BNC2: variants seen among roughly 807,000 people sequenced by gnomAD.
BNC2 encodes zinc finger protein basonuclin-2.
BNC2 carries 20 observed loss-of-function variants against 76.3 expected under a neutral mutation model. The ratio of observed to expected loss-of-function variants is 0.26; its 90% CI spans 0.18 to 0.38. BNC2 has a LOEUF of 0.38. Ranked by LOEUF, BNC2 falls within the 10% of genes least tolerant of loss-of-function variation. The pLI is 1.00. For missense variants in BNC2, 1,382 were observed against 1,399.8 expected (o/e 0.99, Z 0.20); for synonymous variants, 582 against 514.8 (o/e 1.13, Z -1.77).
In BNC2 at chr9:16,810,149, C is replaced by T. The variant is rs1304905613; in HGVS notation, c.3+60497G>A. 4.6e-5 allele frequency among the ~76,000 whole-genome samples: 7 copies of T among 152,162 alleles called. No individual in the cohort carries two copies. The East Asian group carries it at 1.2e-3, about 25-fold the overall frequency. ...AAGGTAACTTATGGTTAAAAACTTG[C>T]TTTGCTTTATAAAAAGAATATCATT... On this transcript the variant is annotated intron_variant, in intron 1 of 6. Transcript: ENST00000380672.
chr9:16,485,260 A>C (rs1822140236), intron 5 of BNC2, among the ~76,000 whole-genome samples: 1 of 152,214 alleles, frequency 6.6e-6, no homozygotes, highest in African/African-American at 2.4e-5. Context: ...GAATTGGAAA[A>C]AGAAGCCCTT....
intron 3 of BNC2, among the ~76,000 whole-genome samples, chr9:16,726,401 C>T (rs760941692): frequency 6.6e-6 from 1 of 152,024 alleles, no homozygotes; most frequent in Non-Finnish European, 1.5e-5. Context: ...TAGCTAAATG[C>T]TACAAAACCC....
At chr9:16,795,102 C>A (rs1228265699) in intron 1 of BNC2, among the ~76,000 whole-genome samples, 4 of 152,180 alleles carry the variant, frequency 2.6e-5, no homozygotes. Flanking sequence ...AAGATGCAAT[C>A]CTCTCAAGTT....
At chr9:16,512,112 T>C (rs1356000146) in intron 5 of BNC2, among the ~76,000 whole-genome samples, 6 of 152,242 alleles carry the variant, frequency 3.9e-5, no homozygotes, top group Non-Finnish European at 7.3e-5. Flanking sequence ...CAAACATAAT[T>C]TGAAGAAAGC....
chr9:16,536,223 G>C lies in BNC2; in HGVS notation c.669+16307C>G, dbSNP rs955096960. On this transcript the variant is annotated intron_variant, in intron 5 of 6. Coordinates refer to ENST00000380672, the MANE Select transcript of BNC2 (RefSeq NM_017637.6). Reference sequence around the variant, plus strand: ...AAACGCCCTTGGTGCTCTGGTTCTTGTATACCTTTCTATACCTCATCCAAA... The same window carrying C: ...AAACGCCCTTGGTGCTCTGGTTCTTCTATACCTTTCTATACCTCATCCAAA... Among the ~76,000 whole-genome samples the C allele has an allele frequency of 1.2e-4, 18 of 152,200 alleles. No homozygotes were observed. The East Asian group carries it at 3.5e-3, about 29-fold the overall frequency.
At chr9:16,502,936 C>T (rs1193595747) in intron 5 of BNC2, among the ~76,000 whole-genome samples, 1 of 151,998 alleles carries the variant, frequency 6.6e-6, no homozygotes, top group African/African-American at 2.4e-5. Context: ...CTACAACAAG[C>T]GTATTCTAAT....
At chr9:16,500,028 A>G (rs1425316218) in intron 5 of BNC2, among the ~76,000 whole-genome samples, 1 of 151,916 alleles carries the variant, frequency 6.6e-6, no homozygotes, top group African/African-American at 2.4e-5. Context: ...CTGGGAATTC[A>G]CAAACTCCCA....
chr9:16,772,758 T>C (rs1184477777), intron 1 of BNC2, among the ~76,000 whole-genome samples: 1 of 152,228 alleles, frequency 6.6e-6, no homozygotes, highest in Non-Finnish European at 1.5e-5. Flanking sequence ...TTGCCAATTA[T>C]TTTTGCACTA....
intron 5 of BNC2, among the ~76,000 whole-genome samples, chr9:16,461,908 A>G (rs931296737): frequency 3.3e-5 from 5 of 152,218 alleles, no homozygotes; most frequent in Admixed American, 3.3e-4. Context: ...AAATGCTGGT[A>G]GTGTTCTCTT....
intron 5 of BNC2, among the ~76,000 whole-genome samples, chr9:16,522,476 T>A (rs1004929687): frequency 2.6e-5 from 4 of 152,142 alleles, no homozygotes; most frequent in Non-Finnish European, 4.4e-5. Context: ...GAGATGAAGG[T>A]GCTGGCAAGC....
intron 1 of BNC2, among the ~76,000 whole-genome samples, chr9:16,819,686 A>G (rs1818270092): frequency 6.6e-6 from 1 of 152,086 alleles, no homozygotes; most frequent in African/African-American, 2.4e-5. Flanking sequence ...GTCCAAACCA[A>G]TATCCACAGA....
chr9:16,647,961 G>A (rs1821682630), intron 3 of BNC2, among the ~76,000 whole-genome samples: 1 of 151,990 alleles, frequency 6.6e-6, no homozygotes, highest in Non-Finnish European at 1.5e-5. Context: ...CCCACCACCA[G>A]AAAAAATTAA....
chr9:16,422,744 A>G (rs1820734168), intron 6 of BNC2, among the ~76,000 whole-genome samples: 2 of 152,242 alleles, frequency 1.3e-5, no homozygotes, highest in South Asian at 4.1e-4. Flanking sequence ...AAAATTCTTT[A>G]GAGGGTACCG....
chr9:16,638,600 T>G (rs995633602), intron 3 of BNC2, among the ~76,000 whole-genome samples: 1 of 152,144 alleles, frequency 6.6e-6, no homozygotes, highest in Admixed American at 6.6e-5. Flanking sequence ...TCTAATTACC[T>G]GTAAAACCCT....
rs912356984 is a variant in BNC2 at position 16,644,429 on chromosome 9, C to T, written c.331-61344G>A. ...AAAATAAACTTCACAGGCAACAAAACTTAAAATTAAAGCTGGTACTATCTA... is the reference window on the plus strand; with the variant it reads ...AAAATAAACTTCACAGGCAACAAAATTTAAAATTAAAGCTGGTACTATCTA... On this transcript the variant is annotated intron_variant, in intron 3 of 6. Coordinates refer to ENST00000380672, the MANE Select transcript of BNC2 (RefSeq NM_017637.6). Among the ~76,000 whole-genome samples, 9 of 152,028 alleles carry T rather than the reference C, an allele frequency of 5.9e-5. 1 individual carries two copies. Among genetic ancestry groups the T allele is most frequent in the Admixed American group, 2.6e-4 (4 of 15,254 alleles).
intron 3 of BNC2, among the ~76,000 whole-genome samples, chr9:16,590,740 A>C (rs1339316267): frequency 6.6e-6 from 1 of 152,058 alleles, no homozygotes; most frequent in South Asian, 2.1e-4. Context: ...CTCAGAGGTC[A>C]AGGATGCAGT....
Position 16,723,064 on chromosome 9 carries a change from C to T in BNC2, c.330+4733G>A, listed in dbSNP as rs1302945776. Among the ~76,000 whole-genome samples, 3 of 152,070 alleles carry T rather than the reference C, an allele frequency of 2.0e-5. No individual in the cohort carries two copies. The East Asian group carries it at 5.8e-4, about 29-fold the overall frequency. On this transcript the variant is annotated intron_variant, in intron 3 of 6. Coordinates refer to ENST00000380672, the MANE Select transcript of BNC2 (RefSeq NM_017637.6). ...ATTAAGAGGGGCCTAAATTGGAGGT[C>T]GTAGCCTAGTAATTCAACAGGCTAA...
At chr9:16,482,444 AAACT>A (rs1222064718) in intron 5 of BNC2, among the ~76,000 whole-genome samples, 1 of 151,430 alleles carries the variant, frequency 6.6e-6, no homozygotes, top group Non-Finnish European at 1.5e-5. Context: ...ATAGAAACTC[AAACT>A]AATAGGCAGA....
rs1294622557 is a variant in BNC2, at chr9:16,738,428, G to C, written c.61C>G (p.Leu21Val). ...TATGCTGGCCAGTCTTGCTCACTAA[G>C]CCTGTCCTCTGATTTGTAATTAAGG... ...HSLNYKSEDR[L>V]SEQDWPAYFK... is the part of the protein sequence containing the mutation. The change falls in exon 2 of 7, where the codon CTT becomes GTT. Residue 21 changes from leucine (L) to valine (V), a missense_variant. Leu to Val is a conservative substitution (Grantham distance 32, BLOSUM62 1). Around this residue, in one of 3 missense-constraint regions of BNC2, gnomAD observed 557 missense variants for 540.9 expected, o/e 1.03. Transcript: ENST00000380672. The C allele has an allele frequency of 6.2e-7, 1 of 1,613,866 alleles. No individual in the cohort carries two copies. The highest frequency in any genetic ancestry group is 1.3e-5 in the African/African-American group (1 of 74,934).
Sources: allele counts gnomAD v4.1 joint callset (sites outside exome capture counted in the v4.1 genomes callset), GRCh38; gene constraint gnomAD v4.1.1; regional missense constraint gnomAD v4.1.1; transcripts MANE v1.5; gene names NCBI Gene and HGNC (gene_info 2026-07-23, HGNC 2026-07-21).